The following TUSC3 variants were observed in gnomAD, a reference collection of about 807,000 sequenced individuals.
TUSC3 encodes the protein tumor suppressor candidate 3, also known as dolichyl-diphosphooligosaccharide--protein glycosyltransferase subunit TUSC3.
TUSC3 carries 45 observed loss-of-function variants against 44.8 expected under a neutral mutation model. The ratio of observed to expected loss-of-function variants is 1.00; its 90% CI spans 0.79 to 1.29. TUSC3 has a LOEUF of 1.29. TUSC3 is among the 50% of genes most tolerant of loss of function. The pLI, the probability that TUSC3 is intolerant of heterozygous loss-of-function variation, is 0.00. For missense variants in TUSC3, 519 were observed against 437.9 expected (o/e 1.19, Z -1.65); for synonymous variants, 212 against 152.9 (o/e 1.39, Z -2.85).
chr8:15,434,627 C>T (rs1246864018), intron 1 of TUSC3, among the ~76,000 whole-genome samples: 15 of 151,210 alleles, frequency 9.9e-5, no homozygotes, highest in African/African-American at 3.4e-4. Flanking sequence ...GTGTGCTGCA[C>T]CCATTAACTC....
chr8:15,795,175 A>C, the TUSC3 span, among the ~76,000 whole-genome samples: 1 of 152,200 alleles, frequency 6.6e-6, no homozygotes, highest in Non-Finnish European at 1.5e-5. Flanking sequence ...CCAGCTAAAC[A>C]AATCCCATAA....
At chr8:15,464,084 A>T (rs1194065658) in intron 1 of TUSC3, among the ~76,000 whole-genome samples, 1 of 152,180 alleles carries the variant, frequency 6.6e-6, no homozygotes, top group African/African-American at 2.4e-5. Flanking sequence ...TAATCAAGCC[A>T]TAGTGAGTCT....
At chr8:15,830,797 T>A in the TUSC3 span, among the ~76,000 whole-genome samples, 3 of 152,240 alleles carry the variant, frequency 2.0e-5, no homozygotes. Context: ...GAAAAATTAT[T>A]GAGTATGATA....
At chr8:15,670,451 T>C (rs924386509) in intron 5 of TUSC3, among the ~76,000 whole-genome samples, 4 of 151,892 alleles carry the variant, frequency 2.6e-5, no homozygotes, top group African/African-American at 9.7e-5. Context: ...TGAGTAAGTA[T>C]GGCATTTTTG....
At chr8:15,769,157 C>G (rs1278927612), downstream of TUSC3, among the ~76,000 whole-genome samples, 2 of 152,140 alleles carry the variant, frequency 1.3e-5, no homozygotes, top group African/African-American at 2.4e-5. Flanking sequence ...GAAGGCATCA[C>G]TCTACCTGAC....
chr8:15,419,176 C>T (rs932962777), intron 1 of TUSC3, among the ~76,000 whole-genome samples: 3 of 152,112 alleles, frequency 2.0e-5, no homozygotes, highest in African/African-American at 7.2e-5. Flanking sequence ...CTGAATGTAA[C>T]TGTGAGAAGG....
chr8:15,758,737 A>T (rs1042461724), intron 10 of TUSC3, among the ~76,000 whole-genome samples: 1 of 152,052 alleles, frequency 6.6e-6, no homozygotes, highest in African/African-American at 2.4e-5. Context: ...TTGACTATCC[A>T]TGTTCTGGTC....
At chr8:15,452,700 C>G (rs1038382254) in intron 1 of TUSC3, among the ~76,000 whole-genome samples, 1 of 152,112 alleles carries the variant, frequency 6.6e-6, no homozygotes, top group African/African-American at 2.4e-5. Flanking sequence ...TCTTCCTGTC[C>G]CCAGCTATCA....
intron 1 of TUSC3, among the ~76,000 whole-genome samples, chr8:15,575,801 T>C (rs1336300745): frequency 6.6e-6 from 1 of 152,140 alleles, no homozygotes; most frequent in Non-Finnish European, 1.5e-5. Context: ...AGATGTACTT[T>C]TGCAAATATT....
chr8:15,643,487 T>C (rs1806481044), intron 2 of TUSC3, among the ~76,000 whole-genome samples: 1 of 152,032 alleles, frequency 6.6e-6, no homozygotes, highest in African/African-American at 2.4e-5. Flanking sequence ...TTGTATACAC[T>C]TCAACATATT....
chr8:15,761,160 A>G (rs1812154176), intron 10 of TUSC3, among the ~76,000 whole-genome samples: 1 of 152,180 alleles, frequency 6.6e-6, no homozygotes, highest in South Asian at 2.1e-4. Context: ...TTCTCTAGAA[A>G]AATCTTTTGA....
intron 2 of TUSC3, among the ~76,000 whole-genome samples, chr8:15,498,969 T>C (rs1446623141): frequency 6.6e-6 from 1 of 152,232 alleles, no homozygotes; most frequent in African/African-American, 2.4e-5. Context: ...TTTTTTCTCA[T>C]AGACCTTATG....
At chr8:15,659,934 C>T (rs969638165) in intron 4 of TUSC3, among the ~76,000 whole-genome samples, 1 of 151,964 alleles carries the variant, frequency 6.6e-6, no homozygotes. Flanking sequence ...TGGTAGTAAT[C>T]AAGGAAATTC....
chr8:15,660,695 G>A (rs1807382711), intron 4 of TUSC3, among the ~76,000 whole-genome samples: 2 of 151,696 alleles, frequency 1.3e-5, no homozygotes, highest in Admixed American at 1.3e-4. Context: ...TGACATTTTG[G>A]TGACTAAACT....
chr8:15,485,608 A>C (rs558220870), intron 2 of TUSC3, among the ~76,000 whole-genome samples: 1 of 152,082 alleles, frequency 6.6e-6, no homozygotes, highest in African/African-American at 2.4e-5. Context: ...TACTTTCCCA[A>C]GGAGAAATTT....
the TUSC3 span, among the ~76,000 whole-genome samples, chr8:15,815,620 G>A: frequency 1.2e-4 from 18 of 152,194 alleles, no homozygotes; most frequent in African/African-American, 2.4e-4. Flanking sequence ...TCTCTGCAGC[G>A]CAATCTTTAC....
intron 6 of TUSC3, among the ~76,000 whole-genome samples, chr8:15,729,908 G>A (rs887177987): frequency 6.6e-6 from 1 of 151,754 alleles, no homozygotes; most frequent in Non-Finnish European, 1.5e-5. Context: ...TCTGAAGCAT[G>A]TGATACAATT....
the TUSC3 span, among the ~76,000 whole-genome samples, chr8:15,840,069 C>G: frequency 2.6e-5 from 4 of 152,114 alleles, no homozygotes; most frequent in Non-Finnish European, 5.9e-5. Context: ...GAGTTCATGT[C>G]CTTTGTAGGG....
chr8:15,724,867 G>A (rs564314032), intron 6 of TUSC3, among the ~76,000 whole-genome samples: 15 of 152,288 alleles, frequency 9.8e-5, no homozygotes, highest in African/African-American at 3.6e-4. Context: ...CATATAGTTA[G>A]TGAGAGATAA....
Sources: gnomAD v4.1 joint callset for allele counts (sites outside exome capture counted in the v4.1 genomes callset) on GRCh38, gnomAD v4.1.1 for gene constraint, MANE v1.5 for transcripts, NCBI Gene and HGNC (gene_info 2026-07-23, HGNC 2026-07-21) for gene names.